USP40: variants seen among roughly 807,000 people sequenced by gnomAD.
USP40 encodes the protein ubiquitin specific peptidase 40, also known as ubiquitin carboxyl-terminal hydrolase 40.
USP40 carries 143 observed loss-of-function variants against 166.2 expected under a neutral mutation model. That is an observed-to-expected ratio of 0.86 (90% CI 0.75 to 0.99). USP40 has a LOEUF of 0.99. Among genes scored for constraint, USP40 ranks in the 50% least tolerant of loss-of-function variants. The probability of loss-of-function intolerance (pLI) is 0.00; values close to 1 mark genes in which losing one functional copy is unlikely to be tolerated. For missense variants in USP40, 1,444 were observed against 1,479.7 expected (o/e 0.98, Z 0.40); for synonymous variants, 498 against 524.0 (o/e 0.95, Z 0.68).
At chr2:233,563,494 C>T (rs1480911444) in intron 2 of USP40, among the ~76,000 whole-genome samples, 1 of 152,188 alleles carries the variant, frequency 6.6e-6, no homozygotes. Context: ...AAAACTATTG[C>T]TACCCTAGTG....
intron 30 of USP40, 113 bp from the exon 31 acceptor site, chr2:233,481,410 A>C (rs1575208697): frequency 4.4e-6 from 4 of 918,178 alleles, no homozygotes. Flanking sequence ...ATTCAAATTT[A>C]CATAAACTAG....
At chr2:233,514,554 C>T (rs945730979) in intron 18 of USP40, among the ~76,000 whole-genome samples, 1 of 152,044 alleles carries the variant, frequency 6.6e-6, no homozygotes, top group Admixed American at 6.5e-5. Context: ...TCAAATTATT[C>T]AGGTTCTTGT....
At chr2:233,494,800 G>A (rs1211968812) in intron 24 of USP40, among the ~76,000 whole-genome samples, 1 of 143,212 alleles carries the variant, frequency 7.0e-6, no homozygotes. Context: ...ACTTCAGCCC[G>A]GGTGACAAGA....
chr2:233,551,976 G>T (rs1480069251), intron 6 of USP40, among the ~76,000 whole-genome samples: 1 of 152,110 alleles, frequency 6.6e-6, no homozygotes, highest in Non-Finnish European at 1.5e-5. Context: ...CTGAGGAGAA[G>T]ATTCATAGCT....
chr2:233,539,643 G>C (rs1209674865), intron 10 of USP40, among the ~76,000 whole-genome samples: 1 of 151,810 alleles, frequency 6.6e-6, no homozygotes, highest in African/African-American at 2.4e-5. Flanking sequence ...ATAATTTGTT[G>C]AATATAACTA....
At chr2:233,564,887 G>A (rs1054823224) in intron 2 of USP40, among the ~76,000 whole-genome samples, 1 of 152,096 alleles carries the variant, frequency 6.6e-6, no homozygotes, top group African/African-American at 2.4e-5. Flanking sequence ...GATCAGATGA[G>A]GGTGTGAGCT....
chr2:233,529,320 C>CA, intron 12 of USP40, 111 bp downstream of exon 12: 1 of 868,438 alleles, frequency 1.2e-6, no homozygotes, highest in Non-Finnish European at 1.7e-6. Context: ...CTTGCATTAA[C>CA]AAGTTGACTA....
intron 8 of USP40, chr2:233,546,864 G>A (rs1006481750): frequency 6.6e-6 from 1 of 152,108 alleles, no homozygotes; most frequent in Admixed American, 6.6e-5. Flanking sequence ...TTTGAGGGAA[G>A]GTATAACAAC....
intron 13 of USP40, among the ~76,000 whole-genome samples, chr2:233,526,511 A>C (rs1419198863): frequency 1.3e-5 from 2 of 152,224 alleles, no homozygotes; most frequent in Admixed American, 6.6e-5. Context: ...TAAGGTTAAA[A>C]GGGAAATTGC....
intron 8 of USP40, among the ~76,000 whole-genome samples, chr2:233,544,871 C>G (rs1043322116): frequency 1.2e-4 from 18 of 152,150 alleles, no homozygotes; most frequent in African/African-American, 4.1e-4. Flanking sequence ...TTAATAATCA[C>G]AAGTAGGTCC....
chr2:233,513,918 C>G (rs891558766), intron 18 of USP40, among the ~76,000 whole-genome samples: 6 of 152,166 alleles, frequency 3.9e-5, no homozygotes, highest in Non-Finnish European at 5.9e-5. Flanking sequence ...GAAGTTCTAA[C>G]TTTATTAGAC....
chr2:233,485,735 CCA>C, intron 29 of USP40, 30 bp downstream of exon 29: 1 of 1,610,176 alleles, frequency 6.2e-7, no homozygotes, highest in Non-Finnish European at 8.5e-7. Context: ...CCGGTAAGCC[CCA>C]ATTTCTCTGA....
At chr2:233,497,541 AAGG>A (rs2065820570) in intron 23 of USP40, among the ~76,000 whole-genome samples, 1 of 152,154 alleles carries the variant, frequency 6.6e-6, no homozygotes, top group Non-Finnish European at 1.5e-5. Context: ...AATGAAAGAT[AAGG>A]AGGATATTTT....
At chr2:233,494,824 TAAAAAAAAAA>T (rs367849310) in intron 24 of USP40, among the ~76,000 whole-genome samples, 4 of 79,176 alleles carry the variant, frequency 5.1e-5, no homozygotes, top group Middle Eastern at 9.8e-3. Context: ...AGATCCTTTC[TAAAAAAAAAA>T]AAAAAAAACC....
At chr2:233,517,618 ACCTTGTGGTCTCCCCGCCTCGG>A (rs2067318440) in intron 18 of USP40, among the ~76,000 whole-genome samples, 2 of 151,994 alleles carry the variant, frequency 1.3e-5, no homozygotes, top group South Asian at 4.1e-4. Context: ...TGATCTCCTG[ACCTTGTGGTCTCCCCGCCTCGG>A]CCTCCCAAAG....
chr2:233,515,345 A>G (rs1356045099), intron 18 of USP40, among the ~76,000 whole-genome samples: 1 of 152,212 alleles, frequency 6.6e-6, no homozygotes, highest in Non-Finnish European at 1.5e-5. Context: ...TCAGCAATAT[A>G]TGGGAGTTCC....
chr2:233,547,198 T>C (rs554787583), intron 8 of USP40, among the ~76,000 whole-genome samples: 1 of 152,350 alleles, frequency 6.6e-6, no homozygotes, highest in East Asian at 1.9e-4. Context: ...TAATATTTTA[T>C]ATATTTTGGT....
chr2:233,481,928 T>C (rs3796091), intron 30 of USP40, among the ~76,000 whole-genome samples: 2 of 152,206 alleles, frequency 1.3e-5, no homozygotes, highest in East Asian at 1.9e-4. Context: ...GGAAGGGAAG[T>C]GCGTGTCAGG....
intron 25 of USP40, among the ~76,000 whole-genome samples, chr2:233,492,197 C>T (rs1407317413): frequency 1.3e-5 from 2 of 152,138 alleles, no homozygotes; most frequent in Non-Finnish European, 1.5e-5. Context: ...TGTTATGATT[C>T]GCCTTCAGTA....
Sources: gnomAD v4.1 joint callset for allele counts (sites outside exome capture counted in the v4.1 genomes callset) on GRCh38, gnomAD v4.1.1 for gene constraint, MANE v1.5 for transcripts, NCBI Gene and HGNC (gene_info 2026-07-23, HGNC 2026-07-21) for gene names.